Variants in TRPM7 observed in about 807,000 individuals in gnomAD.
TRPM7 encodes the protein LTRPC ion channel family member 7.
TRPM7 carries 134 observed loss-of-function variants against 229.7 expected under a neutral mutation model. The observed-to-expected ratio is 0.58, with a 90% CI of 0.51 to 0.67. TRPM7 has a LOEUF of 0.67. Among genes scored for constraint, TRPM7 ranks in the 30% least tolerant of loss-of-function variants. The pLI is 0.00. For synonymous variants in TRPM7, 699 were observed against 715.2 expected (o/e 0.98, Z 0.36); for missense variants, 1,901 against 2,210.0 (o/e 0.86, Z 2.80).
At chr15:50,583,673 T>A (rs2054540781) in intron 28 of TRPM7, among the ~76,000 whole-genome samples, 1 of 150,686 alleles carries the variant, frequency 6.6e-6, no homozygotes, top group African/African-American at 2.5e-5. Flanking sequence ...GCCTCCTGAG[T>A]TCAAGCGATT....
chr15:50,634,315 A>C, intron 8 of TRPM7, 67 bp downstream of exon 8: 2 of 1,228,804 alleles, frequency 1.6e-6, no homozygotes, highest in Non-Finnish European at 2.1e-6. Flanking sequence ...ACACAGCAAG[A>C]CTCCGTATCA....
chr15:50,672,624 A>C (rs2062013058), intron 1 of TRPM7, among the ~76,000 whole-genome samples: 2 of 151,910 alleles, frequency 1.3e-5, no homozygotes, highest in Admixed American at 1.3e-4. Flanking sequence ...AAATAGAAAA[A>C]AGTAGCCAGG....
At position 50,580,871 on chromosome 15, in the gene TRPM7, T is replaced by C. The variant is rs761751270; in HGVS notation, c.4592+3A>G. 3.2e-6 allele frequency: 5 copies of C among 1,583,812 alleles called. No homozygotes were observed. In the South Asian group the frequency reaches 5.9e-5, roughly 19 times the overall value. On this transcript the variant is annotated splice_donor_region_variant and intron_variant, in intron 30 of 38. Transcript: ENST00000646667. ...AGCTAATGGTAAGAAAAAGCTTACTTACATTTCTCTGTTTGATGGTCTATC... is the reference window on the plus strand; with the variant it reads ...AGCTAATGGTAAGAAAAAGCTTACTCACATTTCTCTGTTTGATGGTCTATC...
At chr15:50,631,232 C>G (rs1180863196) in intron 10 of TRPM7, among the ~76,000 whole-genome samples, 185 bp downstream of exon 10, 1 of 152,116 alleles carries the variant, frequency 6.6e-6, no homozygotes. Flanking sequence ...TAAAAGTTAC[C>G]TTGCCGCCAA....
At position 50,648,705 on chromosome 15, in the gene TRPM7, A is replaced by C; in HGVS notation, c.303T>G (p.Ser101=). ...GACATACCTTAGCTCTGTAGGAATG[A>C]GAACCCCCTTGAAAATTTATGACTC... is the stretch of plus-strand genomic sequence containing the variant. ...AYGVINFQGG[S]HSYRAKYVRL... The change falls in exon 4 of 39, where the codon TCT becomes TCG. Residue 101 remains serine, a synonymous_variant. Transcript: ENST00000646667. 1 of 1,607,822 alleles carries C rather than the reference A, an allele frequency of 6.2e-7. No individual in the cohort carries two copies. Among genetic ancestry groups the C allele is most frequent in the Non-Finnish European group, 8.5e-7 (1 of 1,176,654 alleles).
At chr15:50,671,183 T>C (rs1016754908) in intron 1 of TRPM7, among the ~76,000 whole-genome samples, 2 of 152,130 alleles carry the variant, frequency 1.3e-5, no homozygotes, top group Non-Finnish European at 2.9e-5. Flanking sequence ...TTTGCATCCT[T>C]TGACCAACAT....
At chr15:50,643,686 T>C (rs2061173809) in intron 4 of TRPM7, 133 bp from the exon 5 acceptor site, 8 of 644,972 alleles carry the variant, frequency 1.2e-5, no homozygotes, top group Non-Finnish European at 2.1e-5. Flanking sequence ...ATTTTCAATA[T>C]ATTTATACTC....
At chr15:50,639,577 G>C in intron 5 of TRPM7, 29 bp from the exon 6 acceptor site, 2 of 1,593,856 alleles carry the variant, frequency 1.3e-6, no homozygotes, top group South Asian at 1.1e-5. Flanking sequence ...TATTCATTTT[G>C]TTTTTTTTAT....
rs1056975909 is a variant in TRPM7 at position 50,561,612 on chromosome 15, G to A, written c.*66C>T. The A allele has an allele frequency of 1.3e-6, 2 of 1,579,436 alleles. No homozygotes were observed. Among genetic ancestry groups the A allele is most frequent in the Non-Finnish European group, 1.7e-6 (2 of 1,163,036 alleles). On this transcript the variant is annotated 3_prime_UTR_variant, in exon 39 of 39. Transcript: ENST00000646667. ...ATATTACCAAACAATTTCCTCCCGAGGGAAAAGTGACACAGTAACATTTCT... is the reference window on the plus strand; with the variant it reads ...ATATTACCAAACAATTTCCTCCCGAAGGAAAAGTGACACAGTAACATTTCT...
intron 38 of TRPM7, among the ~76,000 whole-genome samples, chr15:50,569,229 G>C (rs1327009620): frequency 6.6e-6 from 1 of 151,940 alleles, no homozygotes; most frequent in Non-Finnish European, 1.5e-5. Context: ...TTCCACAGGG[G>C]ACTATGATGC....
At chr15:50,564,589 C>T (rs2053506150) in intron 38 of TRPM7, among the ~76,000 whole-genome samples, 1 of 151,816 alleles carries the variant, frequency 6.6e-6, no homozygotes, top group African/African-American at 2.4e-5. Context: ...GCAGAACATG[C>T]AGGTTTGTTA....
intron 13 of TRPM7, among the ~76,000 whole-genome samples, chr15:50,618,375 C>T (rs1596212657): frequency 6.6e-6 from 1 of 152,008 alleles, no homozygotes; most frequent in African/African-American, 2.4e-5. Flanking sequence ...TCGAGACCAT[C>T]CTGGCTAACA....
intron 13 of TRPM7, among the ~76,000 whole-genome samples, chr15:50,618,078 A>G (rs551979364): frequency 6.6e-6 from 1 of 152,338 alleles, no homozygotes; most frequent in South Asian, 2.1e-4. Context: ...ATAAATATAA[A>G]TACTATTTTA....
chr15:50,572,731 T>G (rs1293280485), intron 36 of TRPM7, among the ~76,000 whole-genome samples: 1 of 152,250 alleles, frequency 6.6e-6, no homozygotes, highest in African/African-American at 2.4e-5. Context: ...TATAAAGGTA[T>G]GAACTACTGA....
Position 50,665,678 on chromosome 15 carries a change from T to C in TRPM7, c.4-2632A>G, listed in dbSNP as rs145892108. ...AATGGTGCATGTATAGGAAAATGTATAGGCTTAAGTGATTACATTTAAAAA... is the reference window on the plus strand; with the variant it reads ...AATGGTGCATGTATAGGAAAATGTACAGGCTTAAGTGATTACATTTAAAAA... On this transcript the variant is annotated intron_variant, in intron 1 of 38. Coordinates refer to ENST00000646667, the MANE Select transcript of TRPM7 (RefSeq NM_017672.6). Among the ~76,000 whole-genome samples, 6 of 152,270 alleles carry C rather than the reference T, an allele frequency of 3.9e-5. No individual in the cohort carries two copies. The East Asian group carries it at 1.2e-3, about 29-fold the overall frequency.
intron 36 of TRPM7, among the ~76,000 whole-genome samples, chr15:50,574,025 C>T (rs1028006083): frequency 1.3e-5 from 2 of 150,260 alleles, no homozygotes; most frequent in Non-Finnish European, 3.0e-5. Context: ...CCACTACACT[C>T]CAGCCTGGGT....
At chr15:50,660,995 G>A (rs1477547450) in intron 2 of TRPM7, among the ~76,000 whole-genome samples, 1 of 146,304 alleles carries the variant, frequency 6.8e-6, no homozygotes, top group African/African-American at 2.6e-5. Flanking sequence ...TTTTTTTTGA[G>A]ACAGAGTTTC....
intron 3 of TRPM7, among the ~76,000 whole-genome samples, chr15:50,656,930 C>G (rs539643107): frequency 6.6e-6 from 1 of 152,164 alleles, no homozygotes; most frequent in Non-Finnish European, 1.5e-5. Flanking sequence ...TCAAAAACAT[C>G]TTACTTCAGG....
chr15:50,683,831 C>G (rs1402542274), intron 1 of TRPM7, among the ~76,000 whole-genome samples: 1 of 152,068 alleles, frequency 6.6e-6, no homozygotes, highest in African/African-American at 2.4e-5. Flanking sequence ...GTACATAGTA[C>G]TATCTATGAG....
Sources: allele counts gnomAD v4.1 joint callset (sites outside exome capture counted in the v4.1 genomes callset), GRCh38; gene constraint gnomAD v4.1.1; transcripts MANE v1.5; gene names NCBI Gene and HGNC (gene_info 2026-07-23, HGNC 2026-07-21).